Variants in TRIM23 observed in about 807,000 individuals in gnomAD.
TRIM23 encodes the protein tripartite motif containing 23.
A neutral mutation model predicts 71.0 loss-of-function variants in TRIM23; 27 were observed. That is an observed-to-expected ratio of 0.38 (90% CI 0.28 to 0.52). The LOEUF (loss-of-function observed/expected upper bound fraction) is 0.52, where lower values mean the gene tolerates loss of function less well. Among genes scored for constraint, TRIM23 ranks in the 20% least tolerant of loss-of-function variants. TRIM23 has a pLI of 0.84. For synonymous variants in TRIM23, 234 were observed against 238.0 expected (o/e 0.98, Z 0.16); for missense variants, 482 against 692.3 (o/e 0.70, Z 3.41).
At chr5:65,594,384 T>G in intron 10 of TRIM23, 137 bp downstream of exon 10, 1 of 1,175,002 alleles carries the variant, frequency 8.5e-7, no homozygotes, top group Non-Finnish European at 1.2e-6. Flanking sequence ...CACAGCATTT[T>G]CACATAGATT....
rs1385403271 is a variant in TRIM23, at chr5:65,604,992, T to C, written c.1098A>G (p.Thr366=). The C allele has an allele frequency of 6.2e-7, 1 of 1,614,022 alleles. No homozygotes were observed. Among genetic ancestry groups the C allele is most frequent in the East Asian group, 2.2e-5 (1 of 44,870 alleles). Residue 366 remains threonine, a synonymous_variant, in exon 7 of 11, where the codon ACA becomes ACG. Transcript: ENST00000231524. The part of the protein sequence containing the change: ...AKQEITRLLE[T]LQKQQQQFTE... The stretch of plus-strand genomic sequence containing the variant: ...TAAACTGCTGCTGCTGTTTCTGCAA[T>C]GTTTCCAGTAACCTTGTAATTTCCT...
At chr5:65,619,979 G>A (rs1298754818) in intron 1 of TRIM23, among the ~76,000 whole-genome samples, 6 of 152,182 alleles carry the variant, frequency 3.9e-5, no homozygotes, top group Non-Finnish European at 5.9e-5. Flanking sequence ...AGTTTACTCA[G>A]GAGGCTGAGG....
Position 65,591,797 on chromosome 5 carries a change from A to G in TRIM23, c.1697T>C (p.Val566Ala). 1.2e-6 allele frequency: 2 copies of G among 1,611,424 alleles called. No individual in the cohort carries two copies. The highest frequency in any genetic ancestry group is 1.7e-6 in the Non-Finnish European group (2 of 1,178,324). The change falls in exon 11 of 11, where the codon GTA (valine) becomes GCA (alanine). Residue 566 changes from valine (V) to alanine (A), a missense_variant. Val to Ala is a moderately conservative substitution (Grantham distance 64). Coordinates refer to ENST00000231524, the MANE Select transcript of TRIM23 (RefSeq NM_001656.4). The stretch of plus-strand genomic sequence containing the variant: ...AGCAACATCCAATACTCCAGCAGCT[A>G]CAAGTTGCCGTGAGAGCCAGTCCAA... Reference protein sequence around the residue: ...EGLDWLSRQLVAAGVLDVA With the variant: ...EGLDWLSRQLAAAGVLDVA
chr5:65,603,675 G>T, intron 7 of TRIM23, among the ~76,000 whole-genome samples: 1 of 151,886 alleles, frequency 6.6e-6, no homozygotes, highest in South Asian at 2.1e-4. Context: ...TCACATAATT[G>T]TGAAAACATA....
intron 3 of TRIM23, among the ~76,000 whole-genome samples, chr5:65,612,198 A>T (rs1754668804): frequency 6.6e-6 from 1 of 152,196 alleles, no homozygotes; most frequent in Non-Finnish European, 1.5e-5. Context: ...AAAGAAACTA[A>T]ACCATAGAGA....
rs1382581351 is a variant in TRIM23 at position 65,591,333 on chromosome 5, T to C, written c.*436A>G. The C allele has an allele frequency of 7.8e-5, 112 of 1,440,138 alleles. No homozygotes were observed. Among genetic ancestry groups the C allele is most frequent in the Non-Finnish European group, 1.0e-5 (11 of 1,097,168 alleles). The allele number at this position is 1,440,138 out of a possible 1,614,324, so 89.2% of individuals were successfully genotyped here. A position where few individuals can be genotyped will look rare whatever the true frequency, so the allele number is the denominator to read the frequency against. ...TTCTACTACTAAATGCTGCCAACAT[T>C]CAGTGAAAAGGCAGGTTAAAAGAAG... On this transcript the variant is annotated 3_prime_UTR_variant, in exon 11 of 11. Transcript: ENST00000231524.
Position 65,591,744 on chromosome 5 carries a change from C to T in TRIM23, c.*25G>A. On this transcript the variant is annotated 3_prime_UTR_variant, in exon 11 of 11. Transcript: ENST00000231524. ...TGCAAAGTTACTTTTAACCACAAAA[C>T]TTCAAACAACTGCTGCCTTTAAAAT... The T allele has an allele frequency of 6.3e-7, 1 of 1,584,538 alleles. No individual in the cohort carries two copies. Among genetic ancestry groups the T allele is most frequent in the Non-Finnish European group, 8.6e-7 (1 of 1,163,250 alleles).
intron 2 of TRIM23, among the ~76,000 whole-genome samples, chr5:65,615,582 A>C (rs745604546): frequency 6.6e-6 from 1 of 151,974 alleles, no homozygotes; most frequent in Non-Finnish European, 1.5e-5. Context: ...TGGACTGAAC[A>C]TATCTATCCT....
chr5:65,610,757 G>T, intron 5 of TRIM23, 104 bp downstream of exon 5: 2 of 956,426 alleles, frequency 2.1e-6, no homozygotes, highest in Non-Finnish European at 3.1e-6. Context: ...CTAATGATTG[G>T]TGCAATACTG....
At chr5:65,602,139 G>A (rs1256576064) in intron 7 of TRIM23, among the ~76,000 whole-genome samples, 5 of 152,124 alleles carry the variant, frequency 3.3e-5, no homozygotes, top group African/African-American at 1.2e-4. Flanking sequence ...TGCACAATCA[G>A]GATGCAAATT....
At chr5:65,609,135 A>T in intron 6 of TRIM23, 108 bp downstream of exon 6, 1 of 1,078,568 alleles carries the variant, frequency 9.3e-7, no homozygotes, top group Non-Finnish European at 1.4e-6. Context: ...GCACAAAGTT[A>T]CTGCATACAG....
intron 6 of TRIM23, among the ~76,000 whole-genome samples, chr5:65,608,129 G>A (rs937617100): frequency 6.6e-6 from 1 of 152,172 alleles, no homozygotes; most frequent in African/African-American, 2.4e-5. Context: ...CAGTGCTAAA[G>A]GAATAAAAGG....
In TRIM23 at chr5:65,591,181, A is replaced by T; in HGVS notation, c.*588T>A. 1 of 1,123,982 alleles carries T rather than the reference A, an allele frequency of 8.9e-7. No individual in the cohort carries two copies. Among genetic ancestry groups the T allele is most frequent in the Non-Finnish European group, 1.1e-6 (1 of 917,606 alleles). 69.6% of individuals were successfully genotyped at this position (1,123,982 alleles called of 1,614,324 possible). A position where few individuals can be genotyped will look rare whatever the true frequency, so the allele number is the denominator to read the frequency against. ...AGAAAGTTAATAAAACACTATATAA[A>T]GTATTAATTTTCTGTACCTTATAGT... is the stretch of plus-strand genomic sequence containing the variant. On this transcript the variant is annotated 3_prime_UTR_variant, in exon 11 of 11. Coordinates refer to ENST00000231524, the MANE Select transcript of TRIM23 (RefSeq NM_001656.4).
In TRIM23 at chr5:65,619,428, A is replaced by G. The variant is rs755899279; in HGVS notation, c.82-1173T>C. Among the ~76,000 whole-genome samples the G allele has an allele frequency of 2.6e-5, 4 of 152,198 alleles. No homozygotes were observed. The East Asian group carries it at 7.7e-4, about 29-fold the overall frequency. Reference sequence around the variant, plus strand: ...AATACCAAGTACCTACTGCTTACATAAAGTCCAGTAAAATAATTTAAAAAC... The same window carrying G: ...AATACCAAGTACCTACTGCTTACATGAAGTCCAGTAAAATAATTTAAAAAC... On this transcript the variant is annotated intron_variant, in intron 1 of 10. Transcript: ENST00000231524.
At position 65,624,087 on chromosome 5, in the gene TRIM23, C is replaced by A. The variant is rs1441013413; in HGVS notation, c.81+107G>T. 2.5e-5 allele frequency: 33 copies of A among 1,336,530 alleles called. No homozygotes were observed. In the Admixed American group the frequency reaches 5.0e-4, roughly 20 times the overall value. 82.8% of individuals were successfully genotyped at this position (1,336,530 alleles called of 1,614,324 possible). A position where few individuals can be genotyped will look rare whatever the true frequency, so the allele number is the denominator to read the frequency against. ...TGTAATGCCAAAAGGGGCCCAGAGG[C>A]CGCGCATCCCACCTATCGAAGCCTG... is the stretch of plus-strand genomic sequence containing the variant. On this transcript the variant is annotated intron_variant, in intron 1 of 10. Coordinates refer to ENST00000231524, the MANE Select transcript of TRIM23 (RefSeq NM_001656.4).
At chr5:65,596,789 C>A (rs1240527794) in intron 8 of TRIM23, among the ~76,000 whole-genome samples, 3 of 152,058 alleles carry the variant, frequency 2.0e-5, no homozygotes, top group African/African-American at 7.2e-5. Context: ...TCCACAACTA[C>A]CCCCCACCCC....
rs145875866 is a variant in TRIM23, at chr5:65,618,118, T to A, written c.219A>T (p.Pro73=). The A allele has an allele frequency of 2.5e-6, 4 of 1,612,992 alleles. 1 individual carries two copies. In the South Asian group the frequency reaches 4.4e-5, roughly 18 times the overall value. ...CTAGGTCTGTTACTTGTCGATCAAA[T>A]GGGCAACGGATTGCTCTTCCATGAA... is the stretch of plus-strand genomic sequence containing the variant. ...LPLHGRAIRC[P]FDRQVTDLGD... Residue 73 remains proline, a synonymous_variant, in exon 2 of 11, where the codon CCA becomes CCT. Transcript: ENST00000231524.
intron 1 of TRIM23, among the ~76,000 whole-genome samples, chr5:65,619,493 A>G (rs1352266617): frequency 2.6e-5 from 4 of 152,226 alleles, no homozygotes; most frequent in Non-Finnish European, 5.9e-5. Context: ...CACGAGGTAA[A>G]AAACAGAAAA....
At chr5:65,614,009 A>G in intron 3 of TRIM23, 89 bp downstream of exon 3, 3 of 1,563,438 alleles carry the variant, frequency 1.9e-6, no homozygotes, top group Non-Finnish European at 2.6e-6. Flanking sequence ...ACCTGCTGAA[A>G]TAAATGAAGT....
Sources: allele counts gnomAD v4.1 joint callset (sites outside exome capture counted in the v4.1 genomes callset), GRCh38; gene constraint gnomAD v4.1.1; transcripts MANE v1.5; gene names NCBI Gene and HGNC (gene_info 2026-07-23, HGNC 2026-07-21).